Variants in PER1 observed in about 807,000 individuals in gnomAD.
The protein encoded by PER1 is period circadian protein homolog 1.
PER1 carries 87 observed loss-of-function variants against 125.9 expected under a neutral mutation model. The ratio of observed to expected loss-of-function variants is 0.69; its 90% confidence interval spans 0.58 to 0.83. The LOEUF (loss-of-function observed/expected upper bound fraction) is 0.83, where lower values mean the gene tolerates loss of function less well. PER1 is among the 40% of genes least tolerant of loss of function. The pLI is 0.00. For synonymous variants in PER1, 801 were observed against 714.7 expected (o/e 1.12, Z -1.93); for missense variants, 1,775 against 1,722.8 (o/e 1.03, Z -0.54).
At chr17:8,145,696 G>A (rs907366467) in intron 17 of PER1, among the ~76,000 whole-genome samples, 1 of 152,178 alleles carries the variant, frequency 6.6e-6, no homozygotes, top group Middle Eastern at 3.2e-3. Context: ...CAGACCCTGT[G>A]TGGTCAGCAC....
At chr17:8,145,878 G>C (rs1982398713) in intron 17 of PER1, 80 bp downstream of exon 17, 1 of 1,473,720 alleles carries the variant, frequency 6.8e-7, no homozygotes, top group African/African-American at 1.4e-5. Flanking sequence ...AGGCCCTAGA[G>C]GGGAGGGGAA....
rs575602122 is a variant in PER1, at chr17:8,140,727, T to C, written c.*341A>G. 148 of 288,832 alleles carry C rather than the reference T, an allele frequency of 5.1e-4. No individual in the cohort carries two copies. The highest frequency in any genetic ancestry group is 2.6e-3 in the African/African-American group (126 of 48,018). The allele number at this position is 288,832 out of a possible 1,614,324, so 17.9% of individuals were successfully genotyped here. A position where few individuals can be genotyped will look rare whatever the true frequency, so the allele number is the denominator to read the frequency against. On this transcript the variant is annotated 3_prime_UTR_variant, in exon 23 of 23. Coordinates refer to ENST00000317276, the MANE Select transcript of PER1 (RefSeq NM_002616.3). ...GAGCTGTCTCCCCGCAATAAATAAG[T>C]GCAGCCCCAACCCTCAAGAGTCAGA... is the stretch of plus-strand genomic sequence containing the variant.
In PER1 at chr17:8,146,063, G is replaced by A. The variant is rs1322924089; in HGVS notation, c.2113C>T (p.Pro705Ser). The A allele has an allele frequency of 3.1e-6, 5 of 1,613,948 alleles. No individual in the cohort carries two copies. The highest frequency in any genetic ancestry group is 2.2e-5 in the South Asian group (2 of 91,086). Residue 705 changes from proline to serine, a missense_variant, in exon 17 of 23, where the codon CCG (proline) becomes TCG (serine). By Grantham distance (74) the Pro-to-Ser change is moderately conservative (BLOSUM62 -1). Coordinates refer to ENST00000317276, the MANE Select transcript of PER1 (RefSeq NM_002616.3). ...TCCGCCTTATTGGCCAGGGCGAGCG[G>A]GCTCAGGGTGCCTCCCACCACTGGC... Reference protein sequence around the residue: ...KEPVVGGTLSPLALANKAESV... With the variant: ...KEPVVGGTLSSLALANKAESV...
chr17:8,146,499 G>A lies in PER1; in HGVS notation c.1911C>T (p.Tyr637=), dbSNP rs1982448998. 1 of 1,612,248 alleles carries A rather than the reference G, an allele frequency of 6.2e-7. No homozygotes were observed. Among genetic ancestry groups the A allele is most frequent in the Non-Finnish European group, 8.5e-7 (1 of 1,179,088 alleles). ...QINCLDSILR[Y]LESCNLPSTT... ...TGCTGGGGAGGTTGCAGCTCTCCAGGTACCTGGGGATGGACACAGCACAGG... is the reference window on the plus strand; with the variant it reads ...TGCTGGGGAGGTTGCAGCTCTCCAGATACCTGGGGATGGACACAGCACAGG... Residue 637 remains tyrosine (Y), a synonymous_variant, in exon 16 of 23, where the codon TAC becomes TAT. Transcript: ENST00000317276.
rs1982185537 is a variant in PER1, at chr17:8,143,129, C to T, written c.3072+137G>A. The T allele has an allele frequency of 7.4e-6, 5 of 675,624 alleles. No individual in the cohort carries two copies. In the South Asian group the frequency reaches 1.0e-4, roughly 13 times the overall value. The allele number at this position is 675,624 out of a possible 1,614,324, so 41.9% of individuals were successfully genotyped here. ...GGAGGTAGCCAATTTCTGCCTCATT[C>T]AGAAATTCAGCTGGGGACTCCCTCC... On this transcript the variant is annotated intron_variant, in intron 19 of 22. Transcript: ENST00000317276.
Position 8,146,721 on chromosome 17 carries a change from C to T in PER1, c.1780G>A (p.Asp594Asn). The T allele has an allele frequency of 6.2e-7, 1 of 1,613,870 alleles. No individual in the cohort carries two copies. Among genetic ancestry groups the T allele is most frequent in the Non-Finnish European group, 8.5e-7 (1 of 1,179,962 alleles). Reference sequence around the variant, plus strand: ...GCAGAACCCGCCTCCAGCTCTGGGTCTGGGGATTGGCAGGGAAGGGCCTTG... The same window carrying T: ...GCAGAACCCGCCTCCAGCTCTGGGTTTGGGGATTGGCAGGGAAGGGCCTTG... ...KAKALPCQSP[D>N]PELEAGSAPV... Residue 594 changes from aspartate (D) to asparagine (N), a missense_variant, in exon 15 of 23, where the codon GAC becomes AAC. By Grantham distance (23) the Asp-to-Asn change is conservative. Transcript: ENST00000317276.
chr17:8,143,852 G>T lies in PER1; in HGVS notation c.2486C>A (p.Pro829Gln), dbSNP rs748386886. 6.2e-7 allele frequency: 1 copy of T among 1,611,062 alleles called. No individual in the cohort carries two copies. Among genetic ancestry groups the T allele is most frequent in the Non-Finnish European group, 8.5e-7 (1 of 1,179,084 alleles). ...GGATCGGCAGTGGTGTCGGCGGCTTGGGGGTGCGGGGCCGTGGTGGCAGCC... is the reference window on the plus strand; with the variant it reads ...GGATCGGCAGTGGTGTCGGCGGCTTTGGGGTGCGGGGCCGTGGTGGCAGCC... ...ERGCHHGPAP[P>Q]SRRHHCRSKA... Residue 829 changes from proline to glutamine, a missense_variant, in exon 19 of 23, where the codon CCA (proline) becomes CAA (glutamine). Coordinates refer to ENST00000317276, the MANE Select transcript of PER1 (RefSeq NM_002616.3).
chr17:8,146,972 G>A lies in PER1; in HGVS notation c.1660C>T (p.His554Tyr). 1 of 1,614,050 alleles carries A rather than the reference G, an allele frequency of 6.2e-7. No homozygotes were observed. Among genetic ancestry groups the A allele is most frequent in the Non-Finnish European group, 8.5e-7 (1 of 1,179,964 alleles). The change falls in exon 14 of 23, where the codon CAT (histidine) becomes TAT (tyrosine). Residue 554 changes from histidine to tyrosine, a missense_variant. Coordinates refer to ENST00000317276, the MANE Select transcript of PER1 (RefSeq NM_002616.3). ...VTFQQICKDVHLVKHQGQQLF... is the reference protein window; with the variant it reads ...VTFQQICKDVYLVKHQGQQLF... ...TGCTGGCCCTGGTGCTTCACCAGAT[G>A]CACATCCTTACAGATCTGCTGGAAA...
chr17:8,143,790 C>A lies in PER1; in HGVS notation c.2548G>T (p.Ala850Ser). 6.2e-7 allele frequency: 1 copy of A among 1,609,568 alleles called. No homozygotes were observed. Reference protein sequence around the residue: ...KRSRHHQNPRAEAPCYVSHPS... With the variant: ...KRSRHHQNPRSEAPCYVSHPS... Reference sequence around the variant, plus strand: ...TGTGAGACATAGCAGGGCGCTTCAGCCCGAGGGTTCTGGTGGTGGCGTGAG... The same window carrying A: ...TGTGAGACATAGCAGGGCGCTTCAGACCGAGGGTTCTGGTGGTGGCGTGAG... The change falls in exon 19 of 23, where the codon GCT (alanine) becomes TCT (serine). Residue 850 changes from alanine to serine, a missense_variant. Ala to Ser is a moderately conservative substitution (Grantham distance 99). Transcript: ENST00000317276.
In PER1 at chr17:8,150,030, C is replaced by G; in HGVS notation, c.470G>C (p.Gly157Ala). The change falls in exon 4 of 23, where the codon GGC becomes GCC. Residue 157 changes from glycine to alanine, a missense_variant. Coordinates refer to ENST00000317276, the MANE Select transcript of PER1 (RefSeq NM_002616.3). ...CAGCGTGGCCAGGGTCCCAGAGCGG[C>G]CCTTGCCCCGGCGCTCTGGCGGCAG... ...LRLPPERRGKGRSGTLATLQY... is the reference protein window; with the variant it reads ...LRLPPERRGKARSGTLATLQY... 1 of 1,614,192 alleles carries G rather than the reference C, an allele frequency of 6.2e-7. No individual in the cohort carries two copies. The highest frequency in any genetic ancestry group is 8.5e-7 in the Non-Finnish European group (1 of 1,180,042).
chr17:8,143,247 C>T lies in PER1; in HGVS notation c.3072+19G>A, dbSNP rs1018123402. On this transcript the variant is annotated intron_variant, in intron 19 of 22. Transcript: ENST00000317276. ...GCTGGGGTGGGGGCTGGCAGGCAGA[C>T]GCAGGGGTCAGTGCTCACCAGTCTG... 30 of 1,445,018 alleles carry T rather than the reference C, an allele frequency of 2.1e-5. No individual in the cohort carries two copies. Among genetic ancestry groups the T allele is most frequent in the Admixed American group, 2.6e-5 (1 of 38,504 alleles). The allele number at this position is 1,445,018 out of a possible 1,614,324, so 89.5% of individuals were successfully genotyped here.
At position 8,148,016 on chromosome 17, in the gene PER1, C is replaced by A; in HGVS notation, c.1215G>T (p.Met405Ile). The A allele has an allele frequency of 6.2e-7, 1 of 1,612,906 alleles. No individual in the cohort carries two copies. The highest frequency in any genetic ancestry group is 8.5e-7 in the Non-Finnish European group (1 of 1,179,442). The change falls in exon 10 of 23, where the codon ATG (methionine) becomes ATT (isoleucine). Residue 405 changes from methionine (M) to isoleucine (I), a missense_variant. By Grantham distance (10) the Met-to-Ile change is conservative. Coordinates refer to ENST00000317276, the MANE Select transcript of PER1 (RefSeq NM_002616.3). ...ACTCACTCTTCTTGTGGATAGCCAG[C>A]ATGAGGGGTCGGTCCTCAGGATGCA... The part of the protein sequence containing the change: ...LFLHPEDRPL[M>I]LAIHKKILQL...
In PER1 at chr17:8,147,568, T is replaced by G. The variant is rs777011928; in HGVS notation, c.1399A>C (p.Asn467His). 1.2e-6 allele frequency: 2 copies of G among 1,613,536 alleles called. No individual in the cohort carries two copies. Among genetic ancestry groups the G allele is most frequent in the Non-Finnish European group, 1.7e-6 (2 of 1,179,674 alleles). ...GRHKVRTAPL[N>H]EDVFTPPAPS... ...GCCGGGGGAGTGAACACGTCCTCAT[T>G]CAGGGGGGCCCTGTAGAGTGAAGAG... The change falls in exon 12 of 23, where the codon AAT becomes CAT. Residue 467 changes from asparagine (N) to histidine (H), a missense_variant. Transcript: ENST00000317276.
At chr17:8,143,116 T>A in intron 19 of PER1, 150 bp downstream of exon 19, 1 of 642,056 alleles carries the variant, frequency 1.6e-6, no homozygotes, top group Non-Finnish European at 2.6e-6. Flanking sequence ...AGGTAGCCAA[T>A]TTCTGCCTCA....
chr17:8,149,457 C>G lies in PER1; in HGVS notation c.853+5G>C, dbSNP rs757312380. ...ATGCCTCCCCACAGCGCTTGGGCAC[C>G]TCACCTGCTGAGGCCCCTGTGCCCC... is the stretch of plus-strand genomic sequence containing the variant. On this transcript the variant is annotated splice_donor_5th_base_variant and intron_variant, in intron 6 of 22. Coordinates refer to ENST00000317276, the MANE Select transcript of PER1 (RefSeq NM_002616.3). 9 of 1,611,466 alleles carry G rather than the reference C, an allele frequency of 5.6e-6. No homozygotes were observed. The East Asian group carries it at 2.0e-4, about 36-fold the overall frequency.
rs980032926 is a variant in PER1, at chr17:8,144,944, G to T, written c.2268C>A (p.Pro756=). 8.6e-6 allele frequency: 13 copies of T among 1,516,344 alleles called. No homozygotes were observed. The highest frequency in any genetic ancestry group is 1.1e-5 in the Non-Finnish European group (13 of 1,132,106). The allele number at this position is 1,516,344 out of a possible 1,614,324, so 93.9% of individuals were successfully genotyped here. The change falls in exon 18 of 23, where the codon CCC becomes CCA. Residue 756 remains proline, a synonymous_variant. Coordinates refer to ENST00000317276, the MANE Select transcript of PER1 (RefSeq NM_002616.3). ...DLPGLAPGPA[P]SPAPSPTVAP... ...CTACTGTGGGGCTGGGGGCTGGGCT[G>T]GGGGCTGGGCCTGGGGCTAGGCCAG... is the stretch of plus-strand genomic sequence containing the variant.
Position 8,148,240 on chromosome 17 carries a change from G to A in PER1, c.1068C>T (p.Asp356=). The change falls in exon 9 of 23, where the codon GAC becomes GAT. Residue 356 remains aspartate (D), a synonymous_variant. Transcript: ENST00000317276. ...TGTGCCGCGTAGTGAAAATCCTCTT[G>A]TCAGGGGGTATCCGGGGAGCTGAGG... ...SGYEAPRIPP[D]KRIFTTRHTP... The A allele has an allele frequency of 6.2e-7, 1 of 1,614,074 alleles. No individual in the cohort carries two copies. Among genetic ancestry groups the A allele is most frequent in the Non-Finnish European group, 8.5e-7 (1 of 1,179,958 alleles).
chr17:8,148,949 G>T lies in PER1; in HGVS notation c.906-163C>A, dbSNP rs868767988. ...CACGCCTTTAATCCCAGCACTTTGG[G>T]AGGCCAAGGCAGGCGGATCACCTGA... On this transcript the variant is annotated intron_variant, in intron 7 of 22. Coordinates refer to ENST00000317276, the MANE Select transcript of PER1 (RefSeq NM_002616.3). 6 of 798,868 alleles carry T rather than the reference G, an allele frequency of 7.5e-6. No homozygotes were observed. The Middle Eastern group carries it at 9.8e-4, about 130-fold the overall frequency. The allele number at this position is 798,868 out of a possible 1,614,324, so 49.5% of individuals were successfully genotyped here.
chr17:8,142,739 A>AGCCTGT lies in PER1; in HGVS notation c.3163_3168dup (p.Thr1055_Gly1056dup), dbSNP rs764949132. ...GAGCCCAAGGAGCCCGAGGCTGCGG[A>AGCCTGT]GCCTGTGCCGGAGCGCGAGTCCTCT... On this transcript the variant is annotated inframe_insertion, in exon 20 of 23. Transcript: ENST00000317276. 3.7e-6 allele frequency: 6 copies of AGCCTGT among 1,613,772 alleles called. No individual in the cohort carries two copies.
Sources: allele counts gnomAD v4.1 joint callset (sites outside exome capture counted in the v4.1 genomes callset), GRCh38; gene constraint gnomAD v4.1.1; transcripts MANE v1.5; gene names NCBI Gene and HGNC (gene_info 2026-07-23, HGNC 2026-07-21).